NR1D1: variants seen among roughly 807,000 people sequenced by gnomAD.
The protein encoded by NR1D1 is Rev-ErbAalpha.
Under a neutral mutation model 51.1 loss-of-function variants are expected in NR1D1, and 17 were observed. The observed-to-expected ratio is 0.33, with a 90% CI of 0.23 to 0.50. NR1D1 has a LOEUF of 0.50. Among genes scored for constraint, NR1D1 ranks in the 20% least tolerant of loss-of-function variants. NR1D1 has a pLI of 0.98. For synonymous variants in NR1D1, 341 were observed against 333.4 expected (o/e 1.02, Z -0.25); for missense variants, 647 against 830.4 (o/e 0.78, Z 2.71).
rs1567660235 is a variant in NR1D1 at position 40,096,059 on chromosome 17, T to C, written c.633A>G (p.Arg211=). 1.2e-6 allele frequency: 2 copies of C among 1,612,756 alleles called. No homozygotes were observed. The highest frequency in any genetic ancestry group is 2.2e-5 in the East Asian group (1 of 44,878). The change falls in exon 5 of 8, where the codon CGA becomes CGG. Residue 211 remains arginine (R), a synonymous_variant. Coordinates refer to ENST00000246672, the MANE Select transcript of NR1D1 (RefSeq NM_021724.5). ...DAVRFGRIPK[R]EKQRMLAEMQ... ...TCTCAGCAAGCATCCGCTGCTTCTC[T>C]CGTTTGGGGATGCGCCCAAAACGCA...
Position 40,097,260 on chromosome 17 carries a change from A to G in NR1D1, c.175T>C (p.Ser59Pro). 1 of 1,612,624 alleles carries G rather than the reference A, an allele frequency of 6.2e-7. No homozygotes were observed. Among genetic ancestry groups the G allele is most frequent in the East Asian group, 2.2e-5 (1 of 44,854 alleles). Residue 59 changes from serine (S) to proline (P), a missense_variant, in exon 2 of 8, where the codon TCC becomes CCC. By Grantham distance (74) the Ser-to-Pro change is moderately conservative. Coordinates refer to ENST00000246672, the MANE Select transcript of NR1D1 (RefSeq NM_021724.5). ...GAGCGAGCCGGGTCTTGGGTGAGGG[A>G]GCCAGTGGGGGATGGTGGGAAGTAG... ...PTYFPPSPTG[S>P]LTQDPARSFG...
rs147554352 is a variant in NR1D1 at position 40,095,515 on chromosome 17, C to G, written c.1177G>C (p.Val393Leu). 1.3e-6 allele frequency: 2 copies of G among 1,580,502 alleles called. No individual in the cohort carries two copies. The highest frequency in any genetic ancestry group is 1.2e-5 in the South Asian group (1 of 86,416). ...SNGHRLCPTH[V>L]YAAPEGKAPA... is the part of the protein sequence containing the mutation. Reference sequence around the variant, plus strand: ...GCCTTGCCTTCTGGGGCTGCATACACGTGGGTGGGGCATAGACGGTGCCCG... The same window carrying G: ...GCCTTGCCTTCTGGGGCTGCATACAGGTGGGTGGGGCATAGACGGTGCCCG... The change falls in exon 5 of 8, where the codon GTG becomes CTG. Residue 393 changes from valine to leucine, a missense_variant. Transcript: ENST00000246672.
chr17:40,094,174 C>A, intron 6 of NR1D1, 52 bp from the exon 7 acceptor site: 1 of 1,533,498 alleles, frequency 6.5e-7, no homozygotes, highest in Non-Finnish European at 9.0e-7. Flanking sequence ...GAGCACTGAC[C>A]AAATCGCCCC....
rs1987775433 is a variant in NR1D1, at chr17:40,096,957, C to G, written c.370+108G>C. On this transcript the variant is annotated intron_variant, in intron 2 of 7. Coordinates refer to ENST00000246672, the MANE Select transcript of NR1D1 (RefSeq NM_021724.5). ...GGGCTGGTGCCACTCTAGGAGAAAT[C>G]CCTGAAGCCAGAATAGGTCCTGGCA... The G allele has an allele frequency of 3.1e-6, 4 of 1,274,604 alleles. No individual in the cohort carries two copies. In the East Asian group the frequency reaches 7.0e-5, roughly 22 times the overall value. 79.0% of individuals were successfully genotyped at this position (1,274,604 alleles called of 1,614,324 possible).
intron 1 of NR1D1, among the ~76,000 whole-genome samples, chr17:40,097,694 G>A (rs139710318): frequency 1.3e-3 from 199 of 152,258 alleles, no homozygotes; most frequent in African/African-American, 4.6e-3. Context: ...GCCTTCCTTG[G>A]GAATATCGAC....
At chr17:40,094,397 A>G (rs1166109713) in intron 6 of NR1D1, among the ~76,000 whole-genome samples, 1 of 152,178 alleles carries the variant, frequency 6.6e-6, no homozygotes, top group Non-Finnish European at 1.5e-5. Flanking sequence ...GCAGCAGTGC[A>G]CCCAAGGCAT....
rs1218759074 is a variant in NR1D1 at position 40,097,156 on chromosome 17, G to A, written c.279C>T (p.Ser93=). ...SSSSSSSSSS[S]FYNGSPPGSL... Reference sequence around the variant, plus strand: ...TCCCAGGGGGGCTCCCATTATAGAAGGAGGAGGAGGATGACGACGAGGAAG... The same window carrying A: ...TCCCAGGGGGGCTCCCATTATAGAAAGAGGAGGAGGATGACGACGAGGAAG... The change falls in exon 2 of 8, where the codon TCC becomes TCT. Residue 93 remains serine, a synonymous_variant. Coordinates refer to ENST00000246672, the MANE Select transcript of NR1D1 (RefSeq NM_021724.5). 1.9e-6 allele frequency: 3 copies of A among 1,610,856 alleles called. No homozygotes were observed.
rs750999664 is a variant in NR1D1 at position 40,093,323 on chromosome 17, T to A, written c.1646-41A>T. 6.2e-7 allele frequency: 1 copy of A among 1,613,230 alleles called. No homozygotes were observed. The highest frequency in any genetic ancestry group is 8.5e-7 in the Non-Finnish European group (1 of 1,179,990). On this transcript the variant is annotated intron_variant, in intron 7 of 7. Coordinates refer to ENST00000246672, the MANE Select transcript of NR1D1 (RefSeq NM_021724.5). The surrounding 1 kb of genome is among the most constrained non-coding windows in gnomAD (Gnocchi z 5.9). ...CAGCAGTGAGGCGGACTCCCCGAGCTCCTCTGAGGAGGAACCGGAGGTCTG... is the reference window on the plus strand; with the variant it reads ...CAGCAGTGAGGCGGACTCCCCGAGCACCTCTGAGGAGGAACCGGAGGTCTG...
In NR1D1 at chr17:40,095,906, G is replaced by A; in HGVS notation, c.786C>T (p.Pro262=). 6.2e-7 allele frequency: 1 copy of A among 1,612,898 alleles called. No homozygotes were observed. The highest frequency in any genetic ancestry group is 8.5e-7 in the Non-Finnish European group (1 of 1,179,646). The stretch of plus-strand genomic sequence containing the variant: ...GTGGAAACTGGGAGAAGCCCACCAG[G>A]GGTGAGGGGACCGGAGCAGGGGGTG... ...PSPPPAPVPS[P]LVGFSQFPQQ... The change falls in exon 5 of 8, where the codon CCC becomes CCT. Residue 262 remains proline (P), a synonymous_variant. Transcript: ENST00000246672.
chr17:40,093,751 G>T lies in NR1D1; in HGVS notation c.1645+161C>A. The T allele has an allele frequency of 1.5e-6, 1 of 663,472 alleles. No individual in the cohort carries two copies. Among genetic ancestry groups the T allele is most frequent in the South Asian group, 1.9e-5 (1 of 53,004 alleles). 41.1% of individuals were successfully genotyped at this position (663,472 alleles called of 1,614,324 possible). On this transcript the variant is annotated intron_variant, in intron 7 of 7. Coordinates refer to ENST00000246672, the MANE Select transcript of NR1D1 (RefSeq NM_021724.5). The surrounding 1 kb of genome is among the most constrained non-coding windows in gnomAD (Gnocchi z 5.9). ...CACTTATCTCACTGTTTTATAATTA[G>T]TCGGGCATGAGTCTGTTTCCCAAGC...
chr17:40,099,969 C>T, intron 1 of NR1D1, 95 bp downstream of exon 1: 1 of 922,016 alleles, frequency 1.1e-6, no homozygotes, highest in Non-Finnish European at 1.8e-6. Context: ...CCGAGGGACA[C>T]CCCAGTCCCT....
At chr17:40,097,671 CCCTT>C (rs934075374) in intron 1 of NR1D1, among the ~76,000 whole-genome samples, 4 of 152,188 alleles carry the variant, frequency 2.6e-5, no homozygotes, top group Non-Finnish European at 5.9e-5. Context: ...ATATGTGCCC[CCCTT>C]CCTTAGTTGC....
intron 4 of NR1D1, 37 bp from the exon 5 acceptor site, chr17:40,096,124 A>G: frequency 2.5e-6 from 4 of 1,595,100 alleles, no homozygotes; most frequent in Non-Finnish European, 2.6e-6. Context: ...GAAGTTCTCA[A>G]CCATGCTCAC....
rs1383258324 is a variant in NR1D1 at position 40,093,679 on chromosome 17, G to A, written c.1645+233C>T. ...GTCACCTCCTTCCCCAGCTCCCCCA[G>A]GCAGAAATAGTTGTCTGTGCTTCCT... is the stretch of plus-strand genomic sequence containing the variant. On this transcript the variant is annotated intron_variant, in intron 7 of 7. Transcript: ENST00000246672. The surrounding 1 kb of genome is among the most constrained non-coding windows in gnomAD (Gnocchi z 5.9). The A allele has an allele frequency of 6.3e-6, 4 of 633,468 alleles. No individual in the cohort carries two copies. Among genetic ancestry groups the A allele is most frequent in the South Asian group, 4.0e-5 (2 of 49,996 alleles). 39.2% of individuals were successfully genotyped at this position (633,468 alleles called of 1,614,324 possible).
chr17:40,094,883 C>T (rs376184901), intron 6 of NR1D1, 52 bp downstream of exon 6: 12 of 1,579,140 alleles, frequency 7.6e-6, no homozygotes, highest in African/African-American at 4.0e-5. Context: ...GGGCGACAAG[C>T]GAAACTCTGT....
At chr17:40,095,318 A>G (rs953480736) in intron 5 of NR1D1, 126 bp downstream of exon 5, 2 of 1,303,044 alleles carry the variant, frequency 1.5e-6, no homozygotes, top group African/African-American at 3.0e-5. Flanking sequence ...AAGGCAAGAC[A>G]TTTTCTCCTG....
chr17:40,096,435 T>C lies in NR1D1; in HGVS notation c.604+8A>G, dbSNP rs200729857. On this transcript the variant is annotated splice_region_variant and intron_variant, in intron 4 of 7. Transcript: ENST00000246672. ...AGAAGGGGGGAGGATGTGGGGATGC[T>C]GCCTCACCGTCTCGAGACATGCCCA... 4.3e-6 allele frequency: 7 copies of C among 1,614,174 alleles called. No homozygotes were observed. The highest frequency in any genetic ancestry group is 3.3e-5 in the Admixed American group (2 of 60,026).
intron 4 of NR1D1, 109 bp downstream of exon 4, chr17:40,096,334 A>T: frequency 6.6e-7 from 1 of 1,513,606 alleles, no homozygotes; most frequent in Non-Finnish European, 9.1e-7. Flanking sequence ...CCCCTGGCAC[A>T]TGTGATTCAC....
chr17:40,099,539 G>A (rs1375363622), intron 1 of NR1D1, among the ~76,000 whole-genome samples: 1 of 152,092 alleles, frequency 6.6e-6, no homozygotes, highest in Non-Finnish European at 1.5e-5. Flanking sequence ...CTCCTCAAGT[G>A]TCGCTCCCTC....
Sources: gnomAD v4.1 joint callset for allele counts (sites outside exome capture counted in the v4.1 genomes callset) on GRCh38, gnomAD v4.1.1 for gene constraint, Gnocchi (gnomAD v3.1) non-coding constraint, MANE v1.5 for transcripts, NCBI Gene and HGNC (gene_info 2026-07-23, HGNC 2026-07-21) for gene names.